The following GSTO2 variants were observed in gnomAD, a reference collection of about 807,000 sequenced individuals.
GSTO2 encodes glutathione S-transferase omega 2, also known as glutathione S-transferase omega-2.
In GSTO2, 23 loss-of-function variants were observed where a neutral mutation model predicts 28.4. That is an observed-to-expected ratio of 0.81 (90% CI 0.58 to 1.15). GSTO2 has a LOEUF of 1.15. Ranked by LOEUF, GSTO2 falls within the 50% of genes most tolerant of loss-of-function variation. GSTO2 has a pLI of 0.00. For synonymous variants in GSTO2, 109 were observed against 111.0 expected (o/e 0.98, Z 0.11); for missense variants, 298 against 297.8 (o/e 1.00, Z 0.00).
In GSTO2 at chr10:104,303,682, A is replaced by G. The variant is rs1589881213; in HGVS notation, c.*4398A>G. 6.6e-6 allele frequency: 1 copy of G among 152,214 alleles called. No homozygotes were observed. The highest frequency in any genetic ancestry group is 1.5e-5 in the Non-Finnish European group (1 of 68,032). 9.4% of individuals were successfully genotyped at this position (152,214 alleles called of 1,614,324 possible). A position where few individuals can be genotyped will look rare whatever the true frequency, so the allele number is the denominator to read the frequency against. On this transcript the variant is annotated 3_prime_UTR_variant, in exon 7 of 7. Coordinates refer to ENST00000338595, the MANE Select transcript of GSTO2 (RefSeq NM_183239.2). ...CAGGCTGCAGAAATTTGCATAAGTA[A>G]AAAGGAGCCAAGTGCTAATGGCCAA...
rs770169667 is a variant in GSTO2 at position 104,279,413 on chromosome 10, G to A, written c.410G>A (p.Gly137Glu). The A allele has an allele frequency of 1.1e-5, 17 of 1,613,990 alleles. No individual in the cohort carries two copies. Among genetic ancestry groups the A allele is most frequent in the South Asian group, 9.9e-5 (9 of 91,086 alleles). ...GAGTGCCTGGTAGCGTTGAGATGTG[G>A]GAGAGAATGCACTAATCTGAAGGCA... ...TKECLVALRCGRECTNLKAAL... is the reference protein window; with the variant it reads ...TKECLVALRCERECTNLKAAL... The change falls in exon 5 of 7, where the codon GGG becomes GAG. Residue 137 changes from glycine to glutamate, a missense_variant. Transcript: ENST00000338595.
chr10:104,275,345 G>T lies in GSTO2; in HGVS notation c.143+11G>T. On this transcript the variant is annotated intron_variant, in intron 3 of 6. Transcript: ENST00000338595. ...GGCCAAAGACATCAGGTGAGAAGCG[G>T]GAACCCAGAGCCCCCGAGCAAACCC... The T allele has an allele frequency of 6.2e-7, 1 of 1,612,916 alleles. No homozygotes were observed. Among genetic ancestry groups the T allele is most frequent in the Non-Finnish European group, 8.5e-7 (1 of 1,179,328 alleles).
chr10:104,273,334 AT>A (rs145571176), intron 1 of GSTO2, among the ~76,000 whole-genome samples: 7,352 of 152,322 alleles, frequency 0.048, 398 homozygotes, highest in African/African-American at 0.13. Context: ...TTCAGAGAAC[AT>A]TTATTCAAAC....
chr10:104,279,895 G>C (rs114879994), intron 5 of GSTO2, among the ~76,000 whole-genome samples: 222 of 152,174 alleles, frequency 1.5e-3, no homozygotes, highest in African/African-American at 5.1e-3. Flanking sequence ...ACATACGGTG[G>C]CTCACACCTG....
intron 5 of GSTO2, among the ~76,000 whole-genome samples, chr10:104,284,569 T>G (rs2012300314): frequency 6.6e-6 from 1 of 152,218 alleles, no homozygotes; most frequent in Non-Finnish European, 1.5e-5. Flanking sequence ...CTGCACTTTA[T>G]GTCTTCAAGC....
intron 1 of GSTO2, among the ~76,000 whole-genome samples, chr10:104,271,846 A>G (rs1158595532): frequency 6.6e-6 from 1 of 152,260 alleles, no homozygotes; most frequent in East Asian, 1.9e-4. Flanking sequence ...TTTAATTTAC[A>G]AATGGAATTC....
chr10:104,290,216 G>A (rs1474293685), intron 5 of GSTO2, among the ~76,000 whole-genome samples: 1 of 152,112 alleles, frequency 6.6e-6, no homozygotes, highest in African/African-American at 2.4e-5. Flanking sequence ...TAAAGAAAAT[G>A]TGATACAGGC....
intron 6 of GSTO2, 48 bp downstream of exon 6, chr10:104,297,732 T>A: frequency 7.8e-7 from 1 of 1,274,874 alleles, no homozygotes; most frequent in Non-Finnish European, 1.1e-6. Flanking sequence ...TCACACTGAG[T>A]AACAATGGTT....
chr10:104,278,276 C>A (rs557171264), intron 4 of GSTO2, among the ~76,000 whole-genome samples, 160 bp downstream of exon 4: 3 of 152,300 alleles, frequency 2.0e-5, no homozygotes, highest in South Asian at 4.1e-4. Context: ...TAGAGCATGG[C>A]CACTGATATT....
chr10:104,294,811 A>T (rs1002193925), intron 5 of GSTO2, among the ~76,000 whole-genome samples: 2 of 152,240 alleles, frequency 1.3e-5, no homozygotes, highest in Non-Finnish European at 2.9e-5. Context: ...TGTCCATCAG[A>T]TCATGTATAT....
chr10:104,278,448 G>T (rs12245345), intron 4 of GSTO2, among the ~76,000 whole-genome samples: 1 of 152,172 alleles, frequency 6.6e-6, no homozygotes, highest in African/African-American at 2.4e-5. Flanking sequence ...AAAAAGTAAT[G>T]GAGTGCGAAG....
intron 5 of GSTO2, among the ~76,000 whole-genome samples, chr10:104,293,086 A>G (rs1400968327): frequency 6.6e-6 from 1 of 152,218 alleles, no homozygotes; most frequent in Non-Finnish European, 1.5e-5. Context: ...CAGAATTCTG[A>G]TAAGCTCTTT....
intron 1 of GSTO2, among the ~76,000 whole-genome samples, chr10:104,269,610 T>C (rs1161012174): frequency 6.6e-6 from 1 of 152,210 alleles, no homozygotes; most frequent in East Asian, 1.9e-4. Context: ...CGTGTTTACG[T>C]GTTTAAGGCA....
At chr10:104,277,829 G>C in intron 3 of GSTO2, 65 bp from the exon 4 acceptor site, 1 of 1,087,954 alleles carries the variant, frequency 9.2e-7, no homozygotes, top group Non-Finnish European at 1.4e-6. Flanking sequence ...CTGCTTTCAA[G>C]AAGAGTGCCT....
intron 5 of GSTO2, among the ~76,000 whole-genome samples, chr10:104,287,443 G>A (rs1428327466): frequency 6.6e-6 from 1 of 152,186 alleles, no homozygotes; most frequent in East Asian, 1.9e-4. Flanking sequence ...GACAAATTAG[G>A]AAACAATATT....
chr10:104,296,205 C>A (rs157080), intron 5 of GSTO2: 63,091 of 151,912 alleles, frequency 0.42, 15,757 homozygotes, highest in African/African-American at 0.71. Flanking sequence ...TTTACAGTCC[C>A]TCCGGGTTGA....
At chr10:104,298,035 C>A (rs2013127517) in intron 6 of GSTO2, among the ~76,000 whole-genome samples, 1 of 152,144 alleles carries the variant, frequency 6.6e-6, no homozygotes, top group African/African-American at 2.4e-5. Flanking sequence ...CTGACGGGTC[C>A]CCAGGGGACA....
chr10:104,270,637 T>C (rs1004106402), intron 1 of GSTO2, among the ~76,000 whole-genome samples: 3 of 152,214 alleles, frequency 2.0e-5, no homozygotes, highest in South Asian at 2.1e-4. Context: ...TAAGCACATT[T>C]GAGAATAGAA....
In GSTO2 at chr10:104,303,536, A is replaced by G. The variant is rs2013320276; in HGVS notation, c.*4252A>G. 1 of 152,248 alleles carries G rather than the reference A, an allele frequency of 6.6e-6. No individual in the cohort carries two copies. Among genetic ancestry groups the G allele is most frequent in the African/African-American group, 2.4e-5 (1 of 41,468 alleles). 9.4% of individuals were successfully genotyped at this position (152,248 alleles called of 1,614,324 possible). A position where few individuals can be genotyped will look rare whatever the true frequency, so the allele number is the denominator to read the frequency against. On this transcript the variant is annotated 3_prime_UTR_variant, in exon 7 of 7. Coordinates refer to ENST00000338595, the MANE Select transcript of GSTO2 (RefSeq NM_183239.2). ...ACAACCTATGCTCATATTTGTGAGCAAAGAAATTATGTTAAGTTGGAACTT... is the reference window on the plus strand; with the variant it reads ...ACAACCTATGCTCATATTTGTGAGCGAAGAAATTATGTTAAGTTGGAACTT...
Sources: allele counts gnomAD v4.1 joint callset (sites outside exome capture counted in the v4.1 genomes callset), GRCh38; gene constraint gnomAD v4.1.1; transcripts MANE v1.5; gene names NCBI Gene and HGNC (gene_info 2026-07-23, HGNC 2026-07-21).